Variants in FBXL2 observed in about 807,000 individuals in gnomAD.
FBXL2 encodes the protein F-box/LRR-repeat protein 2.
In FBXL2, 38 loss-of-function variants were observed where a neutral mutation model predicts 69.2. The ratio of observed to expected loss-of-function variants is 0.55; its 90% confidence interval spans 0.42 to 0.72. The LOEUF (loss-of-function observed/expected upper bound fraction) is 0.72, where lower values mean the gene tolerates loss of function less well. FBXL2 is among the 30% of genes least tolerant of loss of function. The probability of loss-of-function intolerance (pLI) is 0.00; values close to 1 mark genes in which losing one functional copy is unlikely to be tolerated. For missense variants in FBXL2, 354 were observed against 520.3 expected (o/e 0.68, Z 3.11); for synonymous variants, 192 against 201.3 (o/e 0.95, Z 0.39).
chr3:33,400,692 G>C (rs1416215928), intron 12 of FBXL2, among the ~76,000 whole-genome samples: 1 of 152,052 alleles, frequency 6.6e-6, no homozygotes, highest in South Asian at 2.1e-4. Flanking sequence ...ATAAGAGAGA[G>C]GATGAGAAGA....
At chr3:33,383,703 C>T (rs922339260) in intron 13 of FBXL2, 5 of 383,550 alleles carry the variant, frequency 1.3e-5, no homozygotes, top group Non-Finnish European at 2.0e-5. Flanking sequence ...CCCAGTGTAG[C>T]AAACCCATAA....
At chr3:33,335,733 A>G (rs1429101939) in intron 2 of FBXL2, among the ~76,000 whole-genome samples, 1 of 152,224 alleles carries the variant, frequency 6.6e-6, no homozygotes, top group African/African-American at 2.4e-5. Context: ...CAAAAAGTAG[A>G]TGGGACAAAT....
At chr3:33,370,962 A>T (rs2042261376) in intron 5 of FBXL2, among the ~76,000 whole-genome samples, 1 of 151,590 alleles carries the variant, frequency 6.6e-6, no homozygotes, top group African/African-American at 2.4e-5. Flanking sequence ...TGTCTCTCTT[A>T]TTTAGTGATT....
intron 2 of FBXL2, among the ~76,000 whole-genome samples, chr3:33,341,887 G>C (rs1226044468): frequency 6.7e-6 from 1 of 150,120 alleles, no homozygotes; most frequent in East Asian, 1.9e-4. Context: ...CTCTGGGGTT[G>C]CTGACAAAGT....
chr3:33,352,914 C>CAAAAT (rs1164172016), intron 2 of FBXL2, among the ~76,000 whole-genome samples: 1 of 151,570 alleles, frequency 6.6e-6, no homozygotes, highest in African/African-American at 2.4e-5. Context: ...CAAAACAAAA[C>CAAAAT]AAAACAAAAC....
chr3:33,329,993 G>A (rs1164947169), intron 2 of FBXL2, among the ~76,000 whole-genome samples: 7 of 150,328 alleles, frequency 4.7e-5, no homozygotes, highest in African/African-American at 1.7e-4. Context: ...GTTTGTTTAA[G>A]TTGATCTGGT....
chr3:33,303,848 A>G (rs952035874), intron 2 of FBXL2, among the ~76,000 whole-genome samples: 5 of 152,104 alleles, frequency 3.3e-5, no homozygotes, highest in Admixed American at 2.6e-4. Flanking sequence ...AAGAAGAAAT[A>G]CAAATGGCTA....
chr3:33,376,156 CA>C lies in FBXL2; in HGVS notation c.788+749del, dbSNP rs759277673. On this transcript the variant is annotated intron_variant, in intron 10 of 14. Coordinates refer to ENST00000484457, the MANE Select transcript of FBXL2 (RefSeq NM_012157.5). ...AGGTGACAAGAGTGAGACCCCATCT[CA>C]AAAAAAAAAACAAAAAAAACAATAA... Among the ~76,000 whole-genome samples, 90 of 136,556 alleles carry C rather than the reference CA, an allele frequency of 6.6e-4. 3 individuals carry two copies. In the East Asian group the frequency reaches 0.014, roughly 21 times the overall value. 89.6% of individuals were successfully genotyped at this position (136,556 alleles called of 152,430 possible). A position where few individuals can be genotyped will look rare whatever the true frequency, so the allele number is the denominator to read the frequency against.
chr3:33,309,553 A>G (rs7634146), intron 2 of FBXL2, among the ~76,000 whole-genome samples: 7,951 of 152,114 alleles, frequency 0.052, 691 homozygotes, highest in African/African-American at 0.18. Context: ...TTAAAAAAAA[A>G]TACATTCAGC....
At chr3:33,379,365 C>CT (rs546080035) in intron 13 of FBXL2, among the ~76,000 whole-genome samples, 2 of 151,800 alleles carry the variant, frequency 1.3e-5, no homozygotes, top group African/African-American at 2.4e-5. Context: ...TTTTACAACT[C>CT]TTTTTTTGAG....
At chr3:33,411,887 A>AT in the FBXL2 span, among the ~76,000 whole-genome samples, 9 of 151,888 alleles carry the variant, frequency 5.9e-5, no homozygotes, top group South Asian at 2.1e-4. Flanking sequence ...TTTGTATTTC[A>AT]TTTTTTTTAA....
intron 10 of FBXL2, among the ~76,000 whole-genome samples, chr3:33,376,635 C>T (rs1422300311): frequency 6.6e-6 from 1 of 152,040 alleles, no homozygotes; most frequent in Admixed American, 6.6e-5. Flanking sequence ...CTTTAGGGTA[C>T]CTGGGAATTT....
Position 33,373,128 on chromosome 3 carries a change from G to A in FBXL2, c.327G>A (p.Leu109=). The change falls in exon 6 of 15, where the codon TTG becomes TTA. Residue 109 remains leucine (L), a synonymous_variant. Transcript: ENST00000484457. ...AGAACTGCCGAAACATTGAACATTT[G>A]AACCTCAATGGATGCACAAAAATCA... The part of the protein sequence containing the change: ...FAQNCRNIEH[L]NLNGCTKITD... The A allele has an allele frequency of 1.2e-6, 2 of 1,614,212 alleles. No homozygotes were observed. Among genetic ancestry groups the A allele is most frequent in the Non-Finnish European group, 1.7e-6 (2 of 1,180,034 alleles).
At chr3:33,305,910 T>A (rs1345862176) in intron 2 of FBXL2, among the ~76,000 whole-genome samples, 1 of 152,016 alleles carries the variant, frequency 6.6e-6, no homozygotes, top group Non-Finnish European at 1.5e-5. Context: ...ATCGTTAGTT[T>A]ATGCTCAAGT....
In FBXL2 at chr3:33,384,108, G is replaced by T; in HGVS notation, c.1071G>T (p.Val357=). The part of the protein sequence containing the change: ...ELDNCLLITD[V]ALEHLENCRG... Reference sequence around the variant, plus strand: ...ACAACTGCCTCCTCATCACTGATGTGGCCCTGGAACACCTAGAGAACTGCC... The same window carrying T: ...ACAACTGCCTCCTCATCACTGATGTTGCCCTGGAACACCTAGAGAACTGCC... Residue 357 remains valine, a synonymous_variant, in exon 14 of 15, where the codon GTG becomes GTT. Coordinates refer to ENST00000484457, the MANE Select transcript of FBXL2 (RefSeq NM_012157.5). 6.2e-7 allele frequency: 1 copy of T among 1,614,098 alleles called. No individual in the cohort carries two copies. The highest frequency in any genetic ancestry group is 8.5e-7 in the Non-Finnish European group (1 of 1,180,012).
intron 1 of FBXL2, among the ~76,000 whole-genome samples, chr3:33,287,944 T>G (rs2034819882): frequency 1.3e-5 from 2 of 151,632 alleles, no homozygotes; most frequent in Admixed American, 1.3e-4. Flanking sequence ...ATTTACTGGG[T>G]TTTTTTTTGG....
At chr3:33,406,226 C>T (rs968773931), downstream of FBXL2, among the ~76,000 whole-genome samples, 1 of 152,162 alleles carries the variant, frequency 6.6e-6, no homozygotes, top group Non-Finnish European at 1.5e-5. Flanking sequence ...CTTGGCAATA[C>T]AGTGAAAGCC....
intron 5 of FBXL2, among the ~76,000 whole-genome samples, chr3:33,371,737 G>A (rs895618381): frequency 3.3e-5 from 5 of 152,096 alleles, no homozygotes. Context: ...TTTGTTGGGT[G>A]CAGATATTTT....
chr3:33,371,109 A>G (rs1322554275), intron 5 of FBXL2, among the ~76,000 whole-genome samples: 3 of 149,600 alleles, frequency 2.0e-5, no homozygotes, highest in African/African-American at 7.3e-5. Flanking sequence ...CTTCTGCCAT[A>G]TCTAATCTGT....
Sources: gnomAD v4.1 joint callset for allele counts (sites outside exome capture counted in the v4.1 genomes callset) on GRCh38, gnomAD v4.1.1 for gene constraint, MANE v1.5 for transcripts, NCBI Gene and HGNC (gene_info 2026-07-23, HGNC 2026-07-21) for gene names.